The following TENM3 variants were observed in gnomAD, a reference collection of about 807,000 sequenced individuals.
TENM3 encodes the protein teneurin transmembrane protein 3.
In TENM3, 63 loss-of-function variants were observed where a neutral mutation model predicts 255.1. The ratio of observed to expected loss-of-function variants is 0.25; its 90% CI spans 0.20 to 0.30. The LOEUF (loss-of-function observed/expected upper bound fraction) is 0.30. Among genes scored for constraint, TENM3 ranks in the 10% least tolerant of loss-of-function variants. The pLI is 1.00. For synonymous variants in TENM3, 1,306 were observed against 1,322.3 expected (o/e 0.99, Z 0.27); for missense variants, 2,929 against 3,461.1 (o/e 0.85, Z 3.86).
chr4:182,423,251 T>C (rs1263299388), intron 3 of TENM3, among the ~76,000 whole-genome samples: 1 of 152,208 alleles, frequency 6.6e-6, no homozygotes, highest in Non-Finnish European at 1.5e-5. Context: ...TAAAGTATTT[T>C]GAAATAGGAC....
At chr4:181,643,096 A>G in the TENM3 span, among the ~76,000 whole-genome samples, 2 of 152,158 alleles carry the variant, frequency 1.3e-5, no homozygotes, top group African/African-American at 2.4e-5. Context: ...TACTTTGGGC[A>G]GTATGGCCAT....
intron 1 of TENM3, among the ~76,000 whole-genome samples, chr4:182,254,971 A>G (rs1410708706): frequency 6.6e-6 from 1 of 152,208 alleles, no homozygotes; most frequent in Non-Finnish European, 1.5e-5. Flanking sequence ...GTATATTTAA[A>G]TATGTCTGGG....
chr4:182,090,744 A>G, the TENM3 span, among the ~76,000 whole-genome samples: 1 of 152,224 alleles, frequency 6.6e-6, no homozygotes, highest in African/African-American at 2.4e-5. Context: ...TTCAGCCTCT[A>G]TGCCACATTT....
chr4:182,189,680 G>C (rs1189514099), intron 1 of TENM3, among the ~76,000 whole-genome samples: 1 of 152,112 alleles, frequency 6.6e-6, no homozygotes, highest in African/African-American at 2.4e-5. Flanking sequence ...AAAGGGTGTG[G>C]ACTGCAGTTT....
At chr4:181,504,259 C>A in the TENM3 span, among the ~76,000 whole-genome samples, 1 of 152,202 alleles carries the variant, frequency 6.6e-6, no homozygotes, top group Non-Finnish European at 1.5e-5. Context: ...CTGCTCCCGA[C>A]TGTGGAATGA....
intron 17 of TENM3, among the ~76,000 whole-genome samples, chr4:182,737,738 A>T (rs2152726042): frequency 6.6e-6 from 1 of 152,340 alleles, no homozygotes; most frequent in East Asian, 1.9e-4. Flanking sequence ...TTACCTTAAA[A>T]TAGAACATTG....
intron 3 of TENM3, among the ~76,000 whole-genome samples, chr4:182,359,176 T>G (rs917827249): frequency 6.6e-6 from 1 of 152,220 alleles, no homozygotes; most frequent in Non-Finnish European, 1.5e-5. Context: ...TGGTCTAAAC[T>G]TCTCTTTTTT....
At chr4:181,610,063 A>G in the TENM3 span, among the ~76,000 whole-genome samples, 1 of 152,210 alleles carries the variant, frequency 6.6e-6, no homozygotes, top group Non-Finnish European at 1.5e-5. Context: ...AGAGTTTGCA[A>G]TTTATTAGAA....
chr4:182,422,588 G>A (rs1320076774), intron 3 of TENM3, among the ~76,000 whole-genome samples: 1 of 152,108 alleles, frequency 6.6e-6, no homozygotes, highest in Non-Finnish European at 1.5e-5. Flanking sequence ...AATTCTCTCC[G>A]GCTTTACTGG....
chr4:182,399,442 T>C (rs1371318036), intron 3 of TENM3, among the ~76,000 whole-genome samples: 1 of 152,240 alleles, frequency 6.6e-6, no homozygotes, highest in Non-Finnish European at 1.5e-5. Context: ...CATTATGCTG[T>C]GACAGCCAGT....
chr4:182,697,661 A>G (rs934625197), intron 12 of TENM3, among the ~76,000 whole-genome samples: 24 of 152,112 alleles, frequency 1.6e-4, no homozygotes, highest in African/African-American at 3.6e-4. Flanking sequence ...CATTGAGATG[A>G]CAGTATCCAC....
At chr4:182,268,560 G>T (rs749625344) in intron 1 of TENM3, among the ~76,000 whole-genome samples, 1 of 152,072 alleles carries the variant, frequency 6.6e-6, no homozygotes. Flanking sequence ...TTCCCAGATG[G>T]TTAAGGCATT....
At chr4:182,619,535 A>G (rs912064181) in intron 4 of TENM3, among the ~76,000 whole-genome samples, 2 of 152,302 alleles carry the variant, frequency 1.3e-5, no homozygotes, top group East Asian at 1.9e-4. Flanking sequence ...AAGAAGACAT[A>G]AGAGCAACTA....
intron 11 of TENM3, among the ~76,000 whole-genome samples, chr4:182,687,260 A>T (rs1225263099): frequency 6.6e-6 from 1 of 152,184 alleles, no homozygotes; most frequent in Non-Finnish European, 1.5e-5. Context: ...GGAAAAAACT[A>T]TAGCTAACTT....
At chr4:182,075,827 G>A in the TENM3 span, among the ~76,000 whole-genome samples, 12 of 152,144 alleles carry the variant, frequency 7.9e-5, no homozygotes, top group Non-Finnish European at 2.9e-5. Flanking sequence ...ACGGGAACCT[G>A]TGGCCCAGAC....
At chr4:181,766,362 A>T in the TENM3 span, among the ~76,000 whole-genome samples, 1 of 152,170 alleles carries the variant, frequency 6.6e-6, no homozygotes, top group African/African-American at 2.4e-5. Context: ...CTAGCAGTGG[A>T]TGTAGAGAAT....
At chr4:182,417,361 C>T (rs1770464428) in intron 3 of TENM3, among the ~76,000 whole-genome samples, 1 of 152,048 alleles carries the variant, frequency 6.6e-6, no homozygotes, top group Non-Finnish European at 1.5e-5. Context: ...TCATATGTAA[C>T]ATTTTAATAT....
intron 3 of TENM3, among the ~76,000 whole-genome samples, chr4:182,418,983 A>G (rs1448051496): frequency 1.3e-5 from 2 of 152,218 alleles, no homozygotes; most frequent in Admixed American, 6.5e-5. Flanking sequence ...ATACGACAGG[A>G]AGGTTATAAA....
At chr4:182,161,280 G>A (rs1309058196) in intron 1 of TENM3, among the ~76,000 whole-genome samples, 1 of 139,126 alleles carries the variant, frequency 7.2e-6, no homozygotes, top group Non-Finnish European at 1.5e-5. Flanking sequence ...GCCGGGCGTG[G>A]TGGCGGGCGC....
Sources: gnomAD v4.1 joint callset for allele counts (sites outside exome capture counted in the v4.1 genomes callset) on GRCh38, gnomAD v4.1.1 for gene constraint, MANE v1.5 for transcripts, NCBI Gene and HGNC (gene_info 2026-07-23, HGNC 2026-07-21) for gene names.